CCDC66: variants seen among roughly 807,000 people sequenced by gnomAD.
The protein encoded by CCDC66 is coiled-coil domain-containing protein 66.
A neutral mutation model predicts 128.3 loss-of-function variants in CCDC66; 133 were observed. The observed-to-expected ratio is 1.04, with a 90% CI of 0.90 to 1.20. CCDC66 has a LOEUF of 1.20. Ranked by LOEUF, CCDC66 falls within the 50% of genes most tolerant of loss-of-function variation. CCDC66 has a pLI of 0.00. For missense variants in CCDC66, 1,126 were observed against 1,075.5 expected (o/e 1.05, Z -0.66); for synonymous variants, 387 against 357.0 (o/e 1.08, Z -0.95).
intron 2 of CCDC66, 73 bp downstream of exon 2, chr3:56,558,983 C>G: frequency 9.1e-7 from 1 of 1,100,602 alleles, no homozygotes; most frequent in Non-Finnish European, 1.3e-6. Context: ...GTTCAACAGA[C>G]TTTTTGCTTG....
chr3:56,574,222 C>T (rs1017085663), intron 7 of CCDC66, among the ~76,000 whole-genome samples: 1 of 151,486 alleles, frequency 6.6e-6, no homozygotes, highest in Admixed American at 6.7e-5. Context: ...ATTAGCTGGA[C>T]ATGGTGGCAC....
rs148053604 is a variant in CCDC66 at position 56,586,387 on chromosome 3, C to T, written c.937-6583C>T. Reference sequence around the variant, plus strand: ...ACTTAAAAAATACAAAAAAATTAGCCGGGTGTGGTGGCGCACGCCTGTAAT... The same window carrying T: ...ACTTAAAAAATACAAAAAAATTAGCTGGGTGTGGTGGCGCACGCCTGTAAT... On this transcript the variant is annotated intron_variant, in intron 7 of 17. Transcript: ENST00000394672. 3.0e-3 allele frequency among the ~76,000 whole-genome samples: 448 copies of T among 151,450 alleles called. 1 individual carries two copies. Among genetic ancestry groups the T allele is most frequent in the African/African-American group, 0.01 (425 of 41,406 alleles).
intron 7 of CCDC66, among the ~76,000 whole-genome samples, chr3:56,583,999 C>A (rs71617294): frequency 1.7e-5 from 2 of 121,092 alleles, no homozygotes; most frequent in African/African-American, 6.4e-5. Flanking sequence ...CCGGACGGGG[C>A]GGCTGGCCGG....
chr3:56,582,939 C>T (rs2106716526), intron 7 of CCDC66, among the ~76,000 whole-genome samples: 1 of 150,216 alleles, frequency 6.7e-6, no homozygotes. Flanking sequence ...TGCACTGGCA[C>T]AATCACGGCT....
chr3:56,567,262 C>T (rs753227820), intron 6 of CCDC66, among the ~76,000 whole-genome samples: 9 of 152,050 alleles, frequency 5.9e-5, no homozygotes, highest in Non-Finnish European at 8.8e-5. Context: ...TGGTGGTGCA[C>T]GCCTGTAATC....
At chr3:56,611,529 C>G (rs4538344) in intron 10 of CCDC66, among the ~76,000 whole-genome samples, 96 of 151,690 alleles carry the variant, frequency 6.3e-4, no homozygotes, top group African/African-American at 2.2e-3. Context: ...GTTCTTCCCC[C>G]ACCTGTGGAG....
intron 10 of CCDC66, among the ~76,000 whole-genome samples, chr3:56,597,704 T>A (rs1429424372): frequency 6.6e-6 from 1 of 151,630 alleles, no homozygotes; most frequent in Admixed American, 6.6e-5. Context: ...GTATGTTGAT[T>A]TTGTATTCTG....
intron 1 of CCDC66, among the ~76,000 whole-genome samples, 162 bp downstream of exon 1, chr3:56,557,415 G>A (rs2064461469): frequency 6.6e-6 from 1 of 152,026 alleles, no homozygotes; most frequent in Non-Finnish European, 1.5e-5. Flanking sequence ...GAAGATCGAG[G>A]CAGATGGGTC....
At chr3:56,583,066 A>AG (rs1385402309) in intron 7 of CCDC66, among the ~76,000 whole-genome samples, 6 of 151,336 alleles carry the variant, frequency 4.0e-5, no homozygotes, top group Non-Finnish European at 5.9e-5. Flanking sequence ...CTGTAGAGAC[A>AG]GGGTTGCTCA....
chr3:56,613,065 C>T (rs898087926), intron 10 of CCDC66, among the ~76,000 whole-genome samples: 2 of 152,120 alleles, frequency 1.3e-5, no homozygotes, highest in African/African-American at 4.8e-5. Context: ...TGTGGAGATG[C>T]AGGGGCTGTT....
intron 6 of CCDC66, chr3:56,569,390 G>A: frequency 3.3e-6 from 1 of 299,554 alleles, no homozygotes; most frequent in South Asian, 3.0e-5. Context: ...ACTCACGGTG[G>A]AAGGCAAAGG....
At chr3:56,610,097 T>C (rs574480957) in intron 10 of CCDC66, among the ~76,000 whole-genome samples, 1 of 152,344 alleles carries the variant, frequency 6.6e-6, no homozygotes, top group East Asian at 1.9e-4. Context: ...TTCTTTGTGC[T>C]TCTTGTGTAT....
At chr3:56,602,904 G>A (rs1210493600) in intron 10 of CCDC66, among the ~76,000 whole-genome samples, 7 of 148,154 alleles carry the variant, frequency 4.7e-5, no homozygotes, top group African/African-American at 5.0e-5. Context: ...GCATGATCTC[G>A]GCTCACTGCA....
At chr3:56,585,048 T>C (rs955246299) in intron 7 of CCDC66, among the ~76,000 whole-genome samples, 4 of 145,736 alleles carry the variant, frequency 2.7e-5, no homozygotes, top group African/African-American at 1.0e-4. Context: ...AGCAGTACAG[T>C]CCAGCTTCGG....
chr3:56,620,009 T>TAAC (rs1238385933), intron 17 of CCDC66, 108 bp downstream of exon 17: 1 of 1,201,054 alleles, frequency 8.3e-7, no homozygotes, highest in African/African-American at 1.5e-5. Flanking sequence ...TCCCAGGATT[T>TAAC]AACAAAAATA....
chr3:56,593,763 T>C, intron 9 of CCDC66, 22 bp downstream of exon 9: 1 of 1,603,358 alleles, frequency 6.2e-7, no homozygotes, highest in Non-Finnish European at 8.5e-7. Flanking sequence ...CTTATGTATT[T>C]ATTGACTTTT....
chr3:56,565,118 G>C, intron 4 of CCDC66: 1 of 421,990 alleles, frequency 2.4e-6, no homozygotes, highest in Non-Finnish European at 4.8e-6. Context: ...TAAAACATCT[G>C]ATTTTGATAT....
chr3:56,619,727 G>A (rs573404813), intron 16 of CCDC66, 50 bp from the exon 17 acceptor site: 1 of 1,603,484 alleles, frequency 6.2e-7, no homozygotes, highest in South Asian at 1.1e-5. Context: ...ACAGGGCTAT[G>A]TCATTTTACT....
At chr3:56,560,749 T>G in intron 3 of CCDC66, 1 of 386,282 alleles carries the variant, frequency 2.6e-6, no homozygotes, top group South Asian at 2.0e-5. Flanking sequence ...AGCCAACTGT[T>G]TTGATACTTC....
Sources: allele counts gnomAD v4.1 joint callset (sites outside exome capture counted in the v4.1 genomes callset), GRCh38; gene constraint gnomAD v4.1.1; transcripts MANE v1.5; gene names NCBI Gene and HGNC (gene_info 2026-07-23, HGNC 2026-07-21).